Variants in ELOA observed in about 807,000 individuals in gnomAD.
ELOA encodes the protein elongin-A.
Under a neutral mutation model 85.2 loss-of-function variants are expected in ELOA, and 15 were observed. The observed-to-expected ratio is 0.18, with a 90% confidence interval of 0.12 to 0.27. The LOEUF (loss-of-function observed/expected upper bound fraction) is 0.27, where lower values mean the gene tolerates loss of function less well. Among genes scored for constraint, ELOA ranks in the 10% least tolerant of loss-of-function variants. ELOA has a pLI of 1.00. For missense variants in ELOA, 769 were observed against 952.7 expected (o/e 0.81, Z 2.54); for synonymous variants, 348 against 357.2 (o/e 0.97, Z 0.29).
chr1:23,753,446 C>A (rs1170804467), intron 5 of ELOA, among the ~76,000 whole-genome samples: 2 of 151,920 alleles, frequency 1.3e-5, no homozygotes. Flanking sequence ...ATTAGCAGCC[C>A]TTTATCCTAT....
At chr1:23,759,486 C>T (rs1360431489) in intron 10 of ELOA, 26 bp from the exon 11 acceptor site, 1 of 1,613,976 alleles carries the variant, frequency 6.2e-7, no homozygotes, top group South Asian at 1.1e-5. Flanking sequence ...AGATCTGAGA[C>T]AGCTGCCTTG....
At chr1:23,756,814 C>A in intron 9 of ELOA, 139 bp from the exon 10 acceptor site, 1 of 776,972 alleles carries the variant, frequency 1.3e-6, no homozygotes, top group Non-Finnish European at 2.0e-6. Context: ...TGAGCCACCA[C>A]CAGAATCCAG....
Position 23,761,481 on chromosome 1 carries a change from C to T in ELOA, c.*1908C>T, listed in dbSNP as rs1043935625. ...TGATTTAATGTCCCTTATTAGGAGT[C>T]TTTAGGCAGGGAGGGAAGAAAAAAC... On this transcript the variant is annotated 3_prime_UTR_variant, in exon 11 of 11. Coordinates refer to ENST00000613537, the MANE Select transcript of ELOA (RefSeq NM_003198.3). 5 of 152,082 alleles carry T rather than the reference C, an allele frequency of 3.3e-5. No homozygotes were observed. Among genetic ancestry groups the T allele is most frequent in the African/African-American group, 1.2e-4 (5 of 41,406 alleles). 9.4% of individuals were successfully genotyped at this position (152,082 alleles called of 1,614,324 possible).
At chr1:23,756,675 A>G (rs1340325511) in intron 9 of ELOA, among the ~76,000 whole-genome samples, 1 of 152,224 alleles carries the variant, frequency 6.6e-6, no homozygotes, top group Non-Finnish European at 1.5e-5. Flanking sequence ...CTAAACAAAA[A>G]ACACATTTCT....
chr1:23,759,716 C>T lies in ELOA; in HGVS notation c.*143C>T. 2 of 855,542 alleles carry T rather than the reference C, an allele frequency of 2.3e-6. No individual in the cohort carries two copies. The highest frequency in any genetic ancestry group is 2.6e-5 in the East Asian group (1 of 37,904). 53.0% of individuals were successfully genotyped at this position (855,542 alleles called of 1,614,324 possible). ...CGAGTCCTGCAGTCTGCAGGTGCTG[C>T]CCCTGGGAACCTGCGTGCCACAGCC... On this transcript the variant is annotated 3_prime_UTR_variant, in exon 11 of 11. Transcript: ENST00000613537.
rs1055650915 is a variant in ELOA, at chr1:23,761,872, C to T, written c.*2299C>T. ...GGTGTACTGAGCAGTTTCTTTGGGG[C>T]TTTTTCTTTCTGGGAAGCGGGAGGG... On this transcript the variant is annotated 3_prime_UTR_variant, in exon 11 of 11. Coordinates refer to ENST00000613537, the MANE Select transcript of ELOA (RefSeq NM_003198.3). 6.6e-6 allele frequency: 1 copy of T among 152,016 alleles called. No homozygotes were observed. The highest frequency in any genetic ancestry group is 1.5e-5 in the Non-Finnish European group (1 of 67,988). The allele number at this position is 152,016 out of a possible 1,614,324, so 9.4% of individuals were successfully genotyped here.
Position 23,754,292 on chromosome 1 carries a change from TGTAGCACTTG to T in ELOA, c.1693+39_1693+48del, listed in dbSNP as rs573066935. On this transcript the variant is annotated intron_variant, in intron 6 of 10. Transcript: ENST00000613537. ...GCTTCTCTCTAGCTCTCAAGCACAT[TGTAGCACTTG>T]GACCTTATCACTGGGTGGCTTGGCT... is the stretch of plus-strand genomic sequence containing the variant. The T allele has an allele frequency of 4.5e-4, 732 of 1,614,130 alleles. 8 individuals are homozygous for T. In the African/African-American group the frequency reaches 8.9e-3, roughly 20 times the overall value.
Position 23,755,888 on chromosome 1 carries a change from C to T in ELOA, c.1837C>T (p.Arg613Ter). The change falls in exon 8 of 11, where the codon CGA becomes TGA. Residue 613 changes from arginine to a stop codon, truncating the protein, a stop_gained. Transcript: ENST00000613537. LOFTEE classifies it high-confidence loss of function. ...TCAATTATGGAAAGTTCATTGTCAC[C>T]GAGACTTTAAGGAAGAAAGACCCGA... is the stretch of plus-strand genomic sequence containing the variant. Reference protein sequence around the residue: ...TDQLWKVHCHRDFKEERPEEY... With the variant: ...TDQLWKVHCH The T allele has an allele frequency of 6.2e-7, 1 of 1,612,934 alleles. No homozygotes were observed.
At position 23,751,468 on chromosome 1, in the gene ELOA, A is replaced by G. The variant is rs2124459802; in HGVS notation, c.863A>G (p.Asn288Ser). Residue 288 changes from asparagine (N) to serine (S), a missense_variant, in exon 4 of 11, where the codon AAT becomes AGT. Asn to Ser is a conservative substitution (Grantham distance 46). Transcript: ENST00000613537. ...EENRRPPSGD[N>S]AREKPPSSGV... Reference sequence around the variant, plus strand: ...AACCGAAGGCCACCCTCAGGGGACAATGCAAGGGAGAAACCGCCCTCTAGT... The same window carrying G: ...AACCGAAGGCCACCCTCAGGGGACAGTGCAAGGGAGAAACCGCCCTCTAGT... 9 of 1,614,118 alleles carry G rather than the reference A, an allele frequency of 5.6e-6. No individual in the cohort carries two copies. The highest frequency in any genetic ancestry group is 1.6e-4 in the Middle Eastern group (1 of 6,062).
At chr1:23,757,706 A>C (rs568104754) in intron 10 of ELOA, among the ~76,000 whole-genome samples, 1 of 151,926 alleles carries the variant, frequency 6.6e-6, no homozygotes, top group East Asian at 1.9e-4. Flanking sequence ...TCACCATGTT[A>C]GCCAGGATGG....
Position 23,756,393 on chromosome 1 carries a change from C to G in ELOA, c.2084+8C>G. ...TGTCCCTGAGAAAATCAAGTAAGAT[C>G]TGTGTTCTTACCTGGCTTTTGTGTG... On this transcript the variant is annotated splice_region_variant and intron_variant, in intron 9 of 10. Coordinates refer to ENST00000613537, the MANE Select transcript of ELOA (RefSeq NM_003198.3). 1.3e-6 allele frequency: 2 copies of G among 1,560,364 alleles called. No homozygotes were observed. The highest frequency in any genetic ancestry group is 2.4e-5 in the South Asian group (2 of 84,562).
chr1:23,758,823 A>C, intron 10 of ELOA, among the ~76,000 whole-genome samples: 1 of 151,810 alleles, frequency 6.6e-6, no homozygotes, highest in Admixed American at 6.6e-5. Context: ...CTGTTTCTAC[A>C]CTGGACAGAT....
rs745706771 is a variant in ELOA at position 23,751,577 on chromosome 1, C to T, written c.972C>T (p.His324=). Residue 324 remains histidine (H), a synonymous_variant, in exon 4 of 11, where the codon CAC becomes CAT. Coordinates refer to ENST00000613537, the MANE Select transcript of ELOA (RefSeq NM_003198.3). ...LPPSEAASDN[H]LKKPKHRDPE... is the part of the protein sequence containing the mutation. ...CCTCAGAGGCCGCTTCAGACAACCA[C>T]CTGAAAAAGCCAAAGCACAGAGACC... 20 of 1,614,194 alleles carry T rather than the reference C, an allele frequency of 1.2e-5. No homozygotes were observed. The South Asian group carries it at 1.8e-4, about 14-fold the overall frequency.
At chr1:23,750,038 G>T in intron 3 of ELOA, 90 bp downstream of exon 3, 1 of 1,076,594 alleles carries the variant, frequency 9.3e-7, no homozygotes, top group Non-Finnish European at 1.3e-6. Flanking sequence ...TTTGCCTTCT[G>T]AAATTGTTTT....
In ELOA at chr1:23,761,282, T is replaced by TAATA. The variant is rs1258236700; in HGVS notation, c.*1710_*1713dup. On this transcript the variant is annotated 3_prime_UTR_variant, in exon 11 of 11. Coordinates refer to ENST00000613537, the MANE Select transcript of ELOA (RefSeq NM_003198.3). ...CTATCCCTAGCCTGCCCCACAAATC[T>TAATA]AATATTAGGAAGCCTCTTAACTGAA... 1 of 152,146 alleles carries TAATA rather than the reference T, an allele frequency of 6.6e-6. No homozygotes were observed. Among genetic ancestry groups the TAATA allele is most frequent in the African/African-American group, 2.4e-5 (1 of 41,432 alleles). The allele number at this position is 152,146 out of a possible 1,614,324, so 9.4% of individuals were successfully genotyped here. A position where few individuals can be genotyped will look rare whatever the true frequency, so the allele number is the denominator to read the frequency against.
intron 10 of ELOA, among the ~76,000 whole-genome samples, chr1:23,758,251 ATTTATTTAT>A (rs1221437320): frequency 1.5e-3 from 71 of 48,556 alleles, no homozygotes; most frequent in Admixed American, 2.8e-3. Flanking sequence ...CTTCCAATTT[ATTTATTTAT>A]TTTTTTTTTT....
chr1:23,759,696 C>A lies in ELOA; in HGVS notation c.*123C>A. The A allele has an allele frequency of 1.7e-6, 2 of 1,150,874 alleles. No individual in the cohort carries two copies. Among genetic ancestry groups the A allele is most frequent in the Non-Finnish European group, 2.5e-6 (2 of 784,740 alleles). The allele number at this position is 1,150,874 out of a possible 1,614,324, so 71.3% of individuals were successfully genotyped here. A position where few individuals can be genotyped will look rare whatever the true frequency, so the allele number is the denominator to read the frequency against. ...TTGTGGATCCTTTTGGTCTCCGAGT[C>A]CTGCAGTCTGCAGGTGCTGCCCCTG... On this transcript the variant is annotated 3_prime_UTR_variant, in exon 11 of 11. Coordinates refer to ENST00000613537, the MANE Select transcript of ELOA (RefSeq NM_003198.3).
intron 10 of ELOA, among the ~76,000 whole-genome samples, 199 bp downstream of exon 10, chr1:23,757,324 G>T (rs1355731677): frequency 6.6e-6 from 1 of 152,174 alleles, no homozygotes; most frequent in Non-Finnish European, 1.5e-5. Context: ...GTTATAGTGA[G>T]TCTGGGTGCA....
chr1:23,750,613 G>A (rs1362670603), intron 3 of ELOA, among the ~76,000 whole-genome samples: 1 of 152,060 alleles, frequency 6.6e-6, no homozygotes, highest in Non-Finnish European at 1.5e-5. Context: ...ACATTTTCAT[G>A]TATATGAGAT....
Sources: allele counts gnomAD v4.1 joint callset (sites outside exome capture counted in the v4.1 genomes callset), GRCh38; gene constraint gnomAD v4.1.1; transcripts MANE v1.5; gene names NCBI Gene and HGNC (gene_info 2026-07-23, HGNC 2026-07-21).